The following B4GALT5 variants were observed in gnomAD, a reference collection of about 807,000 sequenced individuals.
B4GALT5 encodes the protein UDP-Gal:beta-GlcNAc beta-1,4-galactosyltransferase 5.
In B4GALT5, 11 loss-of-function variants were observed where a neutral mutation model predicts 45.0. The observed-to-expected ratio is 0.24, with a 90% CI of 0.15 to 0.40. B4GALT5 has a LOEUF of 0.40. Ranked by LOEUF, B4GALT5 falls within the 10% of genes least tolerant of loss-of-function variation. The pLI, the probability that B4GALT5 is intolerant of heterozygous loss-of-function variation, is 1.00. For missense variants in B4GALT5, 337 were observed against 500.2 expected (o/e 0.67, Z 3.11); for synonymous variants, 185 against 182.9 (o/e 1.01, Z -0.09).
intron 1 of B4GALT5, among the ~76,000 whole-genome samples, chr20:49,684,997 T>C (rs955667219): frequency 6.6e-6 from 1 of 152,216 alleles, no homozygotes; most frequent in Non-Finnish European, 1.5e-5. Context: ...GTTGTGAATA[T>C]AGTACACAGA....
chr20:49,682,933 CAT>C (rs1470829096), intron 1 of B4GALT5, among the ~76,000 whole-genome samples: 2 of 151,756 alleles, frequency 1.3e-5, no homozygotes, highest in East Asian at 3.9e-4. Flanking sequence ...TCTCTACTGA[CAT>C]AAAAAAATAT....
intron 1 of B4GALT5, among the ~76,000 whole-genome samples, chr20:49,674,759 C>G (rs2085730755): frequency 6.6e-6 from 1 of 151,950 alleles, no homozygotes; most frequent in Non-Finnish European, 1.5e-5. Context: ...CCTATAATGT[C>G]ATAGGTGAAC....
intron 7 of B4GALT5, among the ~76,000 whole-genome samples, chr20:49,638,023 A>ATT (rs11386089): frequency 1.0e-3 from 153 of 148,956 alleles, no homozygotes; most frequent in African/African-American, 1.6e-3. Context: ...GTATCATCTA[A>ATT]TTTTTTTTTT....
intron 2 of B4GALT5, among the ~76,000 whole-genome samples, chr20:49,652,570 T>C (rs989344217): frequency 6.6e-6 from 1 of 151,400 alleles, no homozygotes; most frequent in African/African-American, 2.4e-5. Context: ...ACTCCATTAA[T>C]AGATTACAAA....
chr20:49,703,814 A>G (rs1201504625), intron 1 of B4GALT5, among the ~76,000 whole-genome samples: 3 of 151,732 alleles, frequency 2.0e-5, no homozygotes, highest in Non-Finnish European at 4.4e-5. Flanking sequence ...ACACGAACCC[A>G]GGAAGCAGGG....
chr20:49,639,359 G>GGTGTGTGT (rs34688851), intron 7 of B4GALT5, among the ~76,000 whole-genome samples: 3 of 149,326 alleles, frequency 2.0e-5, no homozygotes, highest in Non-Finnish European at 4.5e-5. Context: ...GGATGTGTGT[G>GGTGTGTGT]GTGTGTGTGT....
intron 1 of B4GALT5, among the ~76,000 whole-genome samples, chr20:49,670,348 C>T (rs2146343978): frequency 6.6e-6 from 1 of 152,294 alleles, no homozygotes; most frequent in East Asian, 1.9e-4. Flanking sequence ...AATTTACCAA[C>T]CTGCTTTGCT....
rs200033597 is a variant in B4GALT5, at chr20:49,646,956, T to A, written c.364+9A>T. ...AAAGCAGAGGAAGACAGGCCAGAGC[T>A]GTACTCACTCATGGAAGGGAGTCTT... On this transcript the variant is annotated intron_variant, in intron 3 of 8. Transcript: ENST00000371711. The A allele has an allele frequency of 5.3e-5, 83 of 1,560,388 alleles. No individual in the cohort carries two copies. In the East Asian group the frequency reaches 6.3e-4, roughly 12 times the overall value.
intron 1 of B4GALT5, among the ~76,000 whole-genome samples, chr20:49,689,244 G>GA (rs1193362561): frequency 6.6e-6 from 1 of 151,834 alleles, no homozygotes; most frequent in African/African-American, 2.4e-5. Flanking sequence ...AAAATAATCA[G>GA]AAAAAAAATA....
intron 2 of B4GALT5, among the ~76,000 whole-genome samples, chr20:49,653,720 G>A (rs750293734): frequency 1.3e-5 from 2 of 152,196 alleles, no homozygotes; most frequent in African/African-American, 2.4e-5. Flanking sequence ...GAGAGTCCCT[G>A]ATGGCACAGA....
chr20:49,652,769 G>A (rs2085627524), intron 2 of B4GALT5, among the ~76,000 whole-genome samples: 1 of 152,182 alleles, frequency 6.6e-6, no homozygotes, highest in African/African-American at 2.4e-5. Flanking sequence ...AAACCAGCAT[G>A]ACTTAAATGT....
intron 1 of B4GALT5, among the ~76,000 whole-genome samples, chr20:49,678,900 G>A (rs1433714512): frequency 6.6e-6 from 1 of 152,034 alleles, no homozygotes; most frequent in African/African-American, 2.4e-5. Flanking sequence ...AATGGGGGCT[G>A]GGGGGAATCC....
chr20:49,637,985 C>G (rs186275465), intron 7 of B4GALT5, among the ~76,000 whole-genome samples: 2 of 151,036 alleles, frequency 1.3e-5, no homozygotes, highest in African/African-American at 4.9e-5. Context: ...AAAATAGAAT[C>G]AAAATGGGGA....
intron 2 of B4GALT5, among the ~76,000 whole-genome samples, chr20:49,648,993 C>T (rs1860327442): frequency 6.6e-6 from 1 of 152,112 alleles, no homozygotes; most frequent in African/African-American, 2.4e-5. Flanking sequence ...ACTTTGTACC[C>T]TAGAATTCTA....
intron 1 of B4GALT5, among the ~76,000 whole-genome samples, chr20:49,711,037 C>A (rs889465761): frequency 1.4e-5 from 2 of 146,788 alleles, no homozygotes; most frequent in Non-Finnish European, 3.0e-5. Context: ...AAGCTATGAG[C>A]ATCACTGCAC....
chr20:49,671,869 A>T (rs1038366304), intron 1 of B4GALT5, among the ~76,000 whole-genome samples: 3 of 151,942 alleles, frequency 2.0e-5, no homozygotes, highest in Non-Finnish European at 4.4e-5. Flanking sequence ...TAAAACAATA[A>T]TCAATAAATT....
chr20:49,645,433 A>G (rs990135877), intron 3 of B4GALT5, among the ~76,000 whole-genome samples: 2 of 152,200 alleles, frequency 1.3e-5, no homozygotes, highest in African/African-American at 4.8e-5. Context: ...AAACAAATCT[A>G]CTGCATTGCC....
intron 1 of B4GALT5, among the ~76,000 whole-genome samples, chr20:49,666,255 G>C (rs1298236342): frequency 6.6e-6 from 1 of 152,140 alleles, no homozygotes; most frequent in Admixed American, 6.6e-5. Flanking sequence ...TTTCTACATG[G>C]AGCAATGCAG....
intron 2 of B4GALT5, among the ~76,000 whole-genome samples, chr20:49,654,246 T>C (rs544339404): frequency 2.6e-5 from 4 of 152,146 alleles, no homozygotes; most frequent in Non-Finnish European, 5.9e-5. Flanking sequence ...CTGCGCCATC[T>C]TCCCCAAGAT....
Sources: allele counts gnomAD v4.1 joint callset (sites outside exome capture counted in the v4.1 genomes callset), GRCh38; gene constraint gnomAD v4.1.1; transcripts MANE v1.5; gene names NCBI Gene and HGNC (gene_info 2026-07-23, HGNC 2026-07-21).